Variants in TNFAIP8 observed in about 807,000 individuals in gnomAD.
The protein encoded by TNFAIP8 is tumor necrosis factor alpha-induced protein 8.
In TNFAIP8, 7 loss-of-function variants were observed where a neutral mutation model predicts 13.3. The ratio of observed to expected loss-of-function variants is 0.52; its 90% CI spans 0.30 to 0.99. The LOEUF is 0.99. Ranked by LOEUF, TNFAIP8 falls within the 50% of genes least tolerant of loss-of-function variation. TNFAIP8 has a pLI of 0.07. For synonymous variants in TNFAIP8, 94 were observed against 87.6 expected, an observed-to-expected ratio of 1.07 and a Z score of -0.41; for missense variants, 258 against 236.9, an observed-to-expected ratio of 1.09 and a Z score of -0.58.
chr5:119,361,048 TC>T (rs1751614474), intron 1 of TNFAIP8, among the ~76,000 whole-genome samples: 1 of 152,160 alleles, frequency 6.6e-6, no homozygotes, highest in South Asian at 2.1e-4. Context: ...CAGACACTCT[TC>T]CTTGGGGAGA....
chr5:119,299,756 C>T (rs1471807893), intron 1 of TNFAIP8, among the ~76,000 whole-genome samples: 1 of 152,218 alleles, frequency 6.6e-6, no homozygotes, highest in Non-Finnish European at 1.5e-5. Flanking sequence ...CTGTGGTGGG[C>T]TCCACCCAGT....
At chr5:119,332,110 G>A (rs1336134133) in intron 1 of TNFAIP8, among the ~76,000 whole-genome samples, 1 of 152,136 alleles carries the variant, frequency 6.6e-6, no homozygotes, top group Non-Finnish European at 1.5e-5. Context: ...TGATAATGTA[G>A]GCCAAAGAAA....
intron 1 of TNFAIP8, among the ~76,000 whole-genome samples, chr5:119,276,049 A>T (rs1427012936): frequency 2.0e-5 from 3 of 151,502 alleles, no homozygotes; most frequent in Non-Finnish European, 4.4e-5. Context: ...AGGATTAACC[A>T]CCCAAGCCCA....
intron 1 of TNFAIP8, among the ~76,000 whole-genome samples, chr5:119,293,494 G>C (rs1053869329): frequency 1.3e-5 from 2 of 152,078 alleles, no homozygotes; most frequent in Admixed American, 6.6e-5. Flanking sequence ...TGTTCTCCAG[G>C]TTCATCCATG....
chr5:119,268,835 G>C, exon 1 of TNFAIP8: 1 of 702,992 alleles, frequency 1.4e-6, no homozygotes, highest in Non-Finnish European at 2.6e-6. Context: ...CACCGAGAGA[G>C]CAGAGAACTC....
At chr5:119,308,284 C>A (rs942305641) in intron 1 of TNFAIP8, among the ~76,000 whole-genome samples, 1 of 152,122 alleles carries the variant, frequency 6.6e-6, no homozygotes, top group African/African-American at 2.4e-5. Flanking sequence ...GAATCTGTAT[C>A]ATTTCCCAAG....
rs1753148999 is a variant in TNFAIP8 at position 119,399,573 on chromosome 5, G to A, written c.*6192G>A. 1 of 152,042 alleles carries A rather than the reference G, an allele frequency of 6.6e-6. No individual in the cohort carries two copies. Among genetic ancestry groups the A allele is most frequent in the South Asian group, 2.1e-4 (1 of 4,816 alleles). 9.4% of individuals were successfully genotyped at this position (152,042 alleles called of 1,614,324 possible). On this transcript the variant is annotated 3_prime_UTR_variant, in exon 2 of 2. Transcript: ENST00000504771. Reference sequence around the variant, plus strand: ...ATTCCAGTCTCCTTAAAAAAAAATCGGTTTTTGCTTTCAATTTAGGAAAAT... The same window carrying A: ...ATTCCAGTCTCCTTAAAAAAAAATCAGTTTTTGCTTTCAATTTAGGAAAAT...
intron 1 of TNFAIP8, among the ~76,000 whole-genome samples, chr5:119,294,267 A>T (rs962155629): frequency 6.9e-6 from 1 of 145,102 alleles, no homozygotes; most frequent in African/African-American, 2.6e-5. Context: ...TCATTGTTCA[A>T]TTCCCACCTA....
chr5:119,298,170 G>T (rs1436980639), intron 1 of TNFAIP8, among the ~76,000 whole-genome samples: 2 of 152,118 alleles, frequency 1.3e-5, no homozygotes, highest in African/African-American at 4.8e-5. Flanking sequence ...TGGTTATTTT[G>T]CTCGTTAGTT....
rs1187905431 is a variant in TNFAIP8 at position 119,393,972 on chromosome 5, T to C, written c.*591T>C. The C allele has an allele frequency of 6.5e-6, 1 of 152,902 alleles. No homozygotes were observed. The highest frequency in any genetic ancestry group is 1.5e-5 in the Non-Finnish European group (1 of 68,582). 9.5% of individuals were successfully genotyped at this position (152,902 alleles called of 1,614,324 possible). Reference sequence around the variant, plus strand: ...ATCAGTACTGTGGAAATGAACTATATTAGCTATTATGAATAATGTCCAGTA... The same window carrying C: ...ATCAGTACTGTGGAAATGAACTATACTAGCTATTATGAATAATGTCCAGTA... On this transcript the variant is annotated 3_prime_UTR_variant, in exon 2 of 2. Transcript: ENST00000504771.
At chr5:119,298,834 C>T (rs1482629722) in intron 1 of TNFAIP8, among the ~76,000 whole-genome samples, 4 of 151,996 alleles carry the variant, frequency 2.6e-5, no homozygotes, top group African/African-American at 9.7e-5. Context: ...CTAAACTTCC[C>T]TTCTCACTTC....
At chr5:119,319,439 G>A (rs370457248) in intron 1 of TNFAIP8, among the ~76,000 whole-genome samples, 66 of 152,262 alleles carry the variant, frequency 4.3e-4, no homozygotes, top group East Asian at 1.2e-3. Flanking sequence ...ACATTCCAAC[G>A]TGTGCTTAAT....
chr5:119,317,337 T>C (rs867055076), intron 1 of TNFAIP8, among the ~76,000 whole-genome samples: 28 of 152,106 alleles, frequency 1.8e-4, no homozygotes, highest in Admixed American at 3.9e-4. Context: ...TGGCCTGATA[T>C]AAAGTTTTCT....
intron 1 of TNFAIP8, among the ~76,000 whole-genome samples, chr5:119,296,053 A>G (rs538201173): frequency 8.0e-5 from 12 of 150,010 alleles, no homozygotes; most frequent in Admixed American, 4.6e-4. Context: ...TTCTAGATAT[A>G]CAATCATGTC....
chr5:119,303,073 C>T (rs906853427), intron 1 of TNFAIP8, among the ~76,000 whole-genome samples: 1 of 152,124 alleles, frequency 6.6e-6, no homozygotes, highest in Admixed American at 6.5e-5. Flanking sequence ...CTTCATGTGC[C>T]TAGTGCCCTG....
At chr5:119,380,088 C>G (rs1048056208) in intron 1 of TNFAIP8, among the ~76,000 whole-genome samples, 2 of 152,224 alleles carry the variant, frequency 1.3e-5, no homozygotes, top group Admixed American at 1.3e-4. Flanking sequence ...CTCAGCTCTG[C>G]CACTGTTTAT....
At chr5:119,302,011 A>G (rs974456735) in intron 1 of TNFAIP8, among the ~76,000 whole-genome samples, 1 of 152,266 alleles carries the variant, frequency 6.6e-6, no homozygotes, top group Non-Finnish European at 1.5e-5. Flanking sequence ...CTTTGATTAC[A>G]TAATTTCCAA....
intron 1 of TNFAIP8, among the ~76,000 whole-genome samples, chr5:119,301,530 A>T (rs771392218): frequency 1.2e-4 from 18 of 152,090 alleles, no homozygotes; most frequent in Non-Finnish European, 2.6e-4. Context: ...TTTTGCCATT[A>T]TTTATATGCC....
rs1250167268 is a variant in TNFAIP8 at position 119,393,721 on chromosome 5, T to C, written c.*340T>C. ...TGTTGTGTTGGTGGCACATTGGATATTTCTAACATGTACAAAGCTATGTAT... is the reference window on the plus strand; with the variant it reads ...TGTTGTGTTGGTGGCACATTGGATACTTCTAACATGTACAAAGCTATGTAT... On this transcript the variant is annotated 3_prime_UTR_variant, in exon 2 of 2. Coordinates refer to ENST00000504771, the MANE Select transcript of TNFAIP8 (RefSeq NM_014350.4). 1 of 239,764 alleles carries C rather than the reference T, an allele frequency of 4.2e-6. No individual in the cohort carries two copies. Among genetic ancestry groups the C allele is most frequent in the African/African-American group, 2.2e-5 (1 of 44,482 alleles). The allele number at this position is 239,764 out of a possible 1,614,324, so 14.9% of individuals were successfully genotyped here. A position where few individuals can be genotyped will look rare whatever the true frequency, so the allele number is the denominator to read the frequency against.
Sources: allele counts gnomAD v4.1 joint callset (sites outside exome capture counted in the v4.1 genomes callset), GRCh38; gene constraint gnomAD v4.1.1; transcripts MANE v1.5; gene names NCBI Gene and HGNC (gene_info 2026-07-23, HGNC 2026-07-21).